The following SEL1L variants were observed in gnomAD, a reference collection of about 807,000 sequenced individuals.
The protein encoded by SEL1L is SEL1L adaptor subunit of SYVN1 ubiquitin ligase.
SEL1L carries 52 observed loss-of-function variants against 109.8 expected under a neutral mutation model. The observed-to-expected ratio is 0.47, with a 90% confidence interval of 0.38 to 0.60. The LOEUF is 0.60. Among genes scored for constraint, SEL1L ranks in the 20% least tolerant of loss-of-function variants. SEL1L has a pLI of 0.00. For missense variants in SEL1L, 749 were observed against 962.2 expected (o/e 0.78, Z 2.93); for synonymous variants, 373 against 339.6 (o/e 1.10, Z -1.08).
At position 81,475,087 on chromosome 14, in the gene SEL1L, A is replaced by G. The variant is rs951762778; in HGVS notation, c.*1885T>C. 1 of 152,220 alleles carries G rather than the reference A, an allele frequency of 6.6e-6. No individual in the cohort carries two copies. Among genetic ancestry groups the G allele is most frequent in the Non-Finnish European group, 1.5e-5 (1 of 68,046 alleles). The allele number at this position is 152,220 out of a possible 1,614,324, so 9.4% of individuals were successfully genotyped here. A position where few individuals can be genotyped will look rare whatever the true frequency, so the allele number is the denominator to read the frequency against. ...TCCTTCTAAAGGAAGTGTGGCTGCT[A>G]CCGTGGATTACACTTATTTTGAAGC... On this transcript the variant is annotated 3_prime_UTR_variant, in exon 21 of 21. Transcript: ENST00000336735.
intron 10 of SEL1L, among the ~76,000 whole-genome samples, chr14:81,495,822 A>C (rs185193972): frequency 3.1e-4 from 46 of 149,410 alleles, no homozygotes; most frequent in Non-Finnish European, 6.3e-4. Context: ...CTGTAATCCC[A>C]AATACTTGGT....
intron 14 of SEL1L, 152 bp downstream of exon 14, chr14:81,489,100 G>A (rs557513071): frequency 1.4e-6 from 1 of 704,210 alleles, no homozygotes; most frequent in African/African-American, 1.8e-5. Context: ...GTATGGGGTG[G>A]TAGTGAGACA....
Position 81,514,776 on chromosome 14 carries a change from C to T in SEL1L, c.341-8535G>A, listed in dbSNP as rs549087114. Among the ~76,000 whole-genome samples the T allele has an allele frequency of 3.9e-5, 6 of 152,236 alleles. No individual in the cohort carries two copies. In the South Asian group the frequency reaches 1.2e-3, roughly 32 times the overall value. On this transcript the variant is annotated intron_variant, in intron 3 of 20. Transcript: ENST00000336735. ...CTCACCCTTGAAATGCATCCTAAGC[C>T]ATTGGGACCAATTTGACCCATAAAC...
chr14:81,529,414 T>G (rs1241302189), intron 1 of SEL1L, among the ~76,000 whole-genome samples: 2 of 152,182 alleles, frequency 1.3e-5, no homozygotes, highest in Non-Finnish European at 2.9e-5. Context: ...AATGAAACTT[T>G]AGATTAGCTG....
chr14:81,527,816 A>G, intron 1 of SEL1L, 78 bp from the exon 2 acceptor site: 1 of 928,986 alleles, frequency 1.1e-6, no homozygotes, highest in Non-Finnish European at 1.7e-6. Context: ...ACATGTGAAA[A>G]GTATAGCAAA....
intron 20 of SEL1L, 103 bp from the exon 21 acceptor site, chr14:81,477,284 G>T: frequency 3.5e-6 from 3 of 866,214 alleles, no homozygotes; most frequent in Non-Finnish European, 5.3e-6. Flanking sequence ...AAAATAATTT[G>T]TTTTAAAAAC....
At chr14:81,492,133 A>C (rs1461228753) in intron 12 of SEL1L, among the ~76,000 whole-genome samples, 1 of 151,710 alleles carries the variant, frequency 6.6e-6, no homozygotes, top group East Asian at 1.9e-4. Context: ...CTGGGACTAC[A>C]GGCGCCCACC....
At position 81,485,736 on chromosome 14, in the gene SEL1L, G is replaced by A. The variant is rs1903501012; in HGVS notation, c.1809C>T (p.Ser603=). 6.2e-7 allele frequency: 1 copy of A among 1,613,744 alleles called. No individual in the cohort carries two copies. The highest frequency in any genetic ancestry group is 8.5e-7 in the Non-Finnish European group (1 of 1,179,762). Residue 603 remains serine (S), a synonymous_variant, in exon 18 of 21, where the codon AGC becomes AGT. Transcript: ENST00000336735. ...GATAAGTTTCATTCTCACCTACAATGCTTGCTTCTCCTACAGGAAAAGAAA... is the reference window on the plus strand; with the variant it reads ...GATAAGTTTCATTCTCACCTACAATACTTGCTTCTCCTACAGGAAAAGAAA... The part of the protein sequence containing the change: ...AAFILDQREA[S]IVGENETYPR...
chr14:81,486,479 A>G (rs1197822129), intron 16 of SEL1L, 25 bp from the exon 17 acceptor site: 1 of 1,608,594 alleles, frequency 6.2e-7, no homozygotes, highest in South Asian at 1.1e-5. Flanking sequence ...GAAAAAAAAT[A>G]TCAGTAGAAG....
chr14:81,522,498 T>C (rs1184820609), intron 3 of SEL1L, among the ~76,000 whole-genome samples: 1 of 152,244 alleles, frequency 6.6e-6, no homozygotes, highest in Non-Finnish European at 1.5e-5. Flanking sequence ...CGGTATTCAA[T>C]ACAATAACAA....
chr14:81,484,300 A>G lies in SEL1L; in HGVS notation c.1971T>C (p.Ala657=), dbSNP rs1361826511. 6.2e-7 allele frequency: 1 copy of G among 1,614,178 alleles called. No homozygotes were observed. The highest frequency in any genetic ancestry group is 1.1e-5 in the South Asian group (1 of 91,086). The change falls in exon 19 of 21, where the codon GCT becomes GCC. Residue 657 remains alanine (A), a synonymous_variant. Transcript: ENST00000336735. The part of the protein sequence containing the change: ...YETAFIHYRL[A]SEQQHSAQAM... ...CTTGTGCACTGTGTTGCTGCTCAGA[A>G]GCCAGACGGTAATGAATAAATGCAG...
chr14:81,523,709 T>G (rs963279629), intron 3 of SEL1L, among the ~76,000 whole-genome samples: 2 of 152,154 alleles, frequency 1.3e-5, no homozygotes, highest in African/African-American at 2.4e-5. Context: ...GCCCTAAACT[T>G]GTGAGATCTA....
chr14:81,492,601 G>T, intron 11 of SEL1L, 53 bp from the exon 12 acceptor site: 1 of 1,184,230 alleles, frequency 8.4e-7, no homozygotes, highest in South Asian at 1.4e-5. Context: ...ATCTGCTTTT[G>T]ACTTTCAGCC....
At chr14:81,492,335 A>G (rs1007656093) in intron 12 of SEL1L, 145 bp downstream of exon 12, 1 of 684,048 alleles carries the variant, frequency 1.5e-6, no homozygotes, top group African/African-American at 1.9e-5. Flanking sequence ...AATGCCTCAG[A>G]ACAGCACTTT....
Position 81,498,044 on chromosome 14 carries a change from C to T in SEL1L, c.976G>A (p.Ala326Thr). Residue 326 changes from alanine (A) to threonine (T), a missense_variant and splice_region_variant, in exon 10 of 21, where the codon GCT becomes ACT. Coordinates refer to ENST00000336735, the MANE Select transcript of SEL1L (RefSeq NM_005065.6). ...THYRLVANHV[A>T]SDISLTGGSV... ...CCTCCTGTTAGCGAGATATCACTAG[C>T]AACTGAAATAGAGGGATAAAACAAT... The T allele has an allele frequency of 1.2e-6, 2 of 1,611,614 alleles. No individual in the cohort carries two copies. Among genetic ancestry groups the T allele is most frequent in the Non-Finnish European group, 1.7e-6 (2 of 1,179,198 alleles).
At chr14:81,487,184 T>C (rs1000642752) in intron 16 of SEL1L, among the ~76,000 whole-genome samples, 2 of 152,118 alleles carry the variant, frequency 1.3e-5, no homozygotes, top group Admixed American at 6.6e-5. Flanking sequence ...TCTCCCCTTA[T>C]ACAGTTGATT....
At chr14:81,526,049 G>A (rs1885099814) in intron 3 of SEL1L, among the ~76,000 whole-genome samples, 1 of 152,064 alleles carries the variant, frequency 6.6e-6, no homozygotes, top group Non-Finnish European at 1.5e-5. Flanking sequence ...TTCAAATTTG[G>A]ATCAGTTCCT....
chr14:81,527,288 A>G (rs1281143821), intron 2 of SEL1L, among the ~76,000 whole-genome samples: 1 of 152,146 alleles, frequency 6.6e-6, no homozygotes, highest in Non-Finnish European at 1.5e-5. Flanking sequence ...CCTCAAATCT[A>G]AAGATCAGAG....
chr14:81,507,043 G>A (rs771949877), intron 3 of SEL1L, among the ~76,000 whole-genome samples: 1 of 152,168 alleles, frequency 6.6e-6, no homozygotes, highest in Admixed American at 6.5e-5. Flanking sequence ...AGGCTCATGG[G>A]TGGGGTGGGT....
Sources: gnomAD v4.1 joint callset for allele counts (sites outside exome capture counted in the v4.1 genomes callset) on GRCh38, gnomAD v4.1.1 for gene constraint, MANE v1.5 for transcripts, NCBI Gene and HGNC (gene_info 2026-07-23, HGNC 2026-07-21) for gene names.